The following OC90 variants were observed in gnomAD, a reference collection of about 807,000 sequenced individuals.
The protein encoded by OC90 is otoconin-90.
OC90 carries 46 observed loss-of-function variants against 47.3 expected under a neutral mutation model. The ratio of observed to expected loss-of-function variants is 0.97; its 90% CI spans 0.77 to 1.24. The LOEUF is 1.24. Among genes scored for constraint, OC90 ranks in the 50% most tolerant of loss-of-function variants. The pLI, the probability that OC90 is intolerant of heterozygous loss-of-function variation, is 0.00. For synonymous variants in OC90, 271 were observed against 219.5 expected, an observed-to-expected ratio of 1.23 and a Z score of -2.07; for missense variants, 688 against 583.9, an observed-to-expected ratio of 1.18 and a Z score of -1.84.
chr8:132,039,137 G>A lies in OC90; in HGVS notation c.458-14C>T. 1 of 1,590,194 alleles carries A rather than the reference G, an allele frequency of 6.3e-7. No individual in the cohort carries two copies. Among genetic ancestry groups the A allele is most frequent in the South Asian group, 1.1e-5 (1 of 87,632 alleles). On this transcript the variant is annotated splice_polypyrimidine_tract_variant and intron_variant, in intron 6 of 13. Coordinates refer to ENST00000254627, the MANE Select transcript of OC90 (RefSeq NM_001080399.3). ...TGTCCTTGGACTCTGCACACAGCAA[G>A]AGCATAGCCAATTGGAAAGATCTCA...
At position 132,055,046 on chromosome 8, in the gene OC90, G is replaced by A; in HGVS notation, c.-20C>T. 1 of 1,550,118 alleles carries A rather than the reference G, an allele frequency of 6.5e-7. No homozygotes were observed. The highest frequency in any genetic ancestry group is 1.4e-5 in the African/African-American group (1 of 73,078). ...AATCATAGCAGGAGAACAAAGGATG[G>A]GGCTTAGGCAGCAACTGGAACGGAC... is the stretch of plus-strand genomic sequence containing the variant. On this transcript the variant is annotated 5_prime_UTR_variant, in exon 2 of 14. Transcript: ENST00000254627.
At chr8:132,052,299 C>A (rs7832539) in intron 2 of OC90, among the ~76,000 whole-genome samples, 44,770 of 152,064 alleles carry the variant, frequency 0.29, 6,964 homozygotes, top group African/African-American at 0.39. Context: ...AGCTCATGTA[C>A]TTGCTCTGGC....
At chr8:132,040,060 A>C (rs914758682) in intron 6 of OC90, among the ~76,000 whole-genome samples, 1 of 152,210 alleles carries the variant, frequency 6.6e-6, no homozygotes, top group African/African-American at 2.4e-5. Context: ...TGGTGTAGGT[A>C]CACAATACAT....
chr8:132,047,289 A>G (rs950404042), intron 2 of OC90, among the ~76,000 whole-genome samples: 13 of 151,920 alleles, frequency 8.6e-5, no homozygotes, highest in Admixed American at 2.6e-4. Flanking sequence ...TGCCTCTACT[A>G]TTACTTATTA....
chr8:132,056,107 C>T (rs1361893343), intron 1 of OC90, among the ~76,000 whole-genome samples: 11 of 152,180 alleles, frequency 7.2e-5, no homozygotes, highest in African/African-American at 2.7e-4. Context: ...CTGGGTAGGG[C>T]TGTACATGTT....
intron 6 of OC90, among the ~76,000 whole-genome samples, chr8:132,040,546 C>G (rs1213006275): frequency 2.6e-5 from 4 of 152,102 alleles, no homozygotes; most frequent in Non-Finnish European, 4.4e-5. Context: ...TACTGGCAAC[C>G]ACCACCGCAC....
At position 132,029,510 on chromosome 8, in the gene OC90, A is replaced by G. The variant is rs542657954; in HGVS notation, c.1032-331T>C. ...ATTTAAACGATTTTCTAACAGATGGAAATAGAGTCTTAAGGAAGGGGTACC... is the reference window on the plus strand; with the variant it reads ...ATTTAAACGATTTTCTAACAGATGGGAATAGAGTCTTAAGGAAGGGGTACC... On this transcript the variant is annotated intron_variant, in intron 12 of 13. Coordinates refer to ENST00000254627, the MANE Select transcript of OC90 (RefSeq NM_001080399.3). Among the ~76,000 whole-genome samples the G allele has an allele frequency of 2.0e-5, 3 of 152,336 alleles. No individual in the cohort carries two copies. In the South Asian group the frequency reaches 6.2e-4, roughly 32 times the overall value.
At position 132,028,710 on chromosome 8, in the gene OC90, A is replaced by C. The variant is rs868582393; in HGVS notation, c.1138+363T>G. Reference sequence around the variant, plus strand: ...AGAGAAAGAAAGAAAGAGAGACAGAAAGAAAGAAAGAAAGAGAAAGAAAGA... The same window carrying C: ...AGAGAAAGAAAGAAAGAGAGACAGACAGAAAGAAAGAAAGAGAAAGAAAGA... On this transcript the variant is annotated intron_variant, in intron 13 of 13. Transcript: ENST00000254627. Among the ~76,000 whole-genome samples, 903 of 141,978 alleles carry C rather than the reference A, an allele frequency of 6.4e-3. 17 individuals carry two copies. The highest frequency in any genetic ancestry group is 0.022 in the Middle Eastern group (6 of 278). 93.1% of individuals were successfully genotyped at this position (141,978 alleles called of 152,430 possible).
At chr8:132,052,861 C>T (rs10109316) in intron 2 of OC90, among the ~76,000 whole-genome samples, 26,175 of 152,200 alleles carry the variant, frequency 0.17, 3,396 homozygotes, top group African/African-American at 0.36. Flanking sequence ...TCATTACCAT[C>T]TTATAGACAA....
chr8:132,044,682 A>T (rs1823106697), intron 3 of OC90, among the ~76,000 whole-genome samples, 193 bp from the exon 4 acceptor site: 2 of 152,202 alleles, frequency 1.3e-5, no homozygotes, highest in Admixed American at 6.5e-5. Flanking sequence ...GAATTCCATT[A>T]CTGGGTAGCA....
At chr8:132,036,405 A>T (rs1417571792) in intron 9 of OC90, 3 of 780,718 alleles carry the variant, frequency 3.8e-6, no homozygotes, top group African/African-American at 3.4e-5. Flanking sequence ...TGTCAGCCTC[A>T]GTCTCTGCAG....
intron 3 of OC90, 69 bp downstream of exon 3, chr8:132,045,749 T>C: frequency 1.1e-6 from 1 of 873,870 alleles, no homozygotes; most frequent in Non-Finnish European, 1.9e-6. Flanking sequence ...TCAGAAGGGA[T>C]CATTTTCTCT....
At position 132,041,710 on chromosome 8, in the gene OC90, G is replaced by T. The variant is rs757541686; in HGVS notation, c.170-11C>A. The T allele has an allele frequency of 1.5e-5, 23 of 1,529,310 alleles. No homozygotes were observed. The highest frequency in any genetic ancestry group is 6.8e-5 in the African/African-American group (5 of 73,058). The allele number at this position is 1,529,310 out of a possible 1,614,324, so 94.7% of individuals were successfully genotyped here. A position where few individuals can be genotyped will look rare whatever the true frequency, so the allele number is the denominator to read the frequency against. ...GGGGGCCCAGGCAATCTGTGGGGGTGGGGGGCAGGGCCTGATAAGCACTGG... is the reference window on the plus strand; with the variant it reads ...GGGGGCCCAGGCAATCTGTGGGGGTTGGGGGCAGGGCCTGATAAGCACTGG... On this transcript the variant is annotated splice_polypyrimidine_tract_variant and intron_variant, in intron 4 of 13. Coordinates refer to ENST00000254627, the MANE Select transcript of OC90 (RefSeq NM_001080399.3).
intron 4 of OC90, among the ~76,000 whole-genome samples, chr8:132,044,083 T>C (rs1356529504): frequency 1.3e-5 from 2 of 152,226 alleles, no homozygotes; most frequent in South Asian, 4.1e-4. Context: ...GACTAAGCTC[T>C]AGATTCCAAG....
intron 2 of OC90, among the ~76,000 whole-genome samples, chr8:132,050,214 G>A (rs1823193481): frequency 6.6e-6 from 1 of 152,088 alleles, no homozygotes; most frequent in Non-Finnish European, 1.5e-5. Flanking sequence ...GCTGTGGGGA[G>A]GGCAGACTGG....
chr8:132,034,695 G>T, intron 10 of OC90, 86 bp downstream of exon 10: 2 of 912,098 alleles, frequency 2.2e-6, no homozygotes, highest in South Asian at 1.6e-5. Flanking sequence ...CATTTCATTT[G>T]GAACCCAGTT....
At chr8:132,049,880 C>T (rs1396309562) in intron 2 of OC90, 1 of 511,170 alleles carries the variant, frequency 2.0e-6, no homozygotes, top group Non-Finnish European at 4.0e-6. Context: ...CTTTGGACTG[C>T]TAAGACGTGT....
chr8:132,055,336 A>G (rs2130865983), intron 1 of OC90, among the ~76,000 whole-genome samples: 1 of 152,234 alleles, frequency 6.6e-6, no homozygotes, highest in Non-Finnish European at 1.5e-5. Flanking sequence ...GGGCTTCTGT[A>G]TTTACTGATT....
chr8:132,039,635 G>A (rs1344133954), intron 6 of OC90, among the ~76,000 whole-genome samples: 4 of 151,882 alleles, frequency 2.6e-5, no homozygotes, highest in African/African-American at 4.8e-5. Context: ...CCTGACCCAC[G>A]ACCCCTATTC....
Sources: gnomAD v4.1 joint callset for allele counts (sites outside exome capture counted in the v4.1 genomes callset) on GRCh38, gnomAD v4.1.1 for gene constraint, MANE v1.5 for transcripts, NCBI Gene and HGNC (gene_info 2026-07-23, HGNC 2026-07-21) for gene names.